ZBTB20: variants seen among roughly 807,000 people sequenced by gnomAD.
The protein encoded by ZBTB20 is zinc finger and BTB domain-containing protein 20.
ZBTB20 carries 9 observed loss-of-function variants against 56.9 expected under a neutral mutation model. The ratio of observed to expected loss-of-function variants is 0.16; its 90% CI spans 0.10 to 0.28. The LOEUF is 0.28. Ranked by LOEUF, ZBTB20 falls within the 10% of genes least tolerant of loss-of-function variation. The pLI, the probability that ZBTB20 is intolerant of heterozygous loss-of-function variation, is 1.00. For missense variants in ZBTB20, 655 were observed against 1,003.0 expected, an observed-to-expected ratio of 0.65 and a Z score of 4.69; for synonymous variants, 417 against 420.7, an observed-to-expected ratio of 0.99 and a Z score of 0.11.
chr3:114,550,771 GACAGGGTCTCACTCTGTC>G (rs1428744178), intron 6 of ZBTB20, among the ~76,000 whole-genome samples: 2 of 152,050 alleles, frequency 1.3e-5, no homozygotes, highest in Non-Finnish European at 2.9e-5. Flanking sequence ...TGTTTTTTGA[GACAGGGTCTCACTCTGTC>G]ACCCACGCTG....
At chr3:114,931,439 CAGA>C (rs1303613763) in intron 3 of ZBTB20, 2 of 197,708 alleles carry the variant, frequency 1.0e-5, no homozygotes, top group African/African-American at 4.8e-5. Flanking sequence ...GCACCCGAGG[CAGA>C]AGAAGGTTGA....
chr3:114,920,983 C>T (rs779907587), intron 3 of ZBTB20, among the ~76,000 whole-genome samples: 3 of 152,044 alleles, frequency 2.0e-5, no homozygotes, highest in South Asian at 2.1e-4. Flanking sequence ...GATTAGATAA[C>T]TTAGTAAAAA....
intron 1 of ZBTB20, among the ~76,000 whole-genome samples, chr3:115,072,569 A>G (rs1423469301): frequency 6.6e-6 from 1 of 152,026 alleles, no homozygotes; most frequent in Non-Finnish European, 1.5e-5. Flanking sequence ...GCATAATCCA[A>G]CTCTTAAGCT....
At chr3:114,881,953 C>A (rs1487569202) in intron 4 of ZBTB20, among the ~76,000 whole-genome samples, 2 of 151,530 alleles carry the variant, frequency 1.3e-5, no homozygotes, top group African/African-American at 4.8e-5. Context: ...GTTTTCTAAG[C>A]CATAAAGGAA....
Position 114,516,209 on chromosome 3 carries a change from C to A in ZBTB20, c.-294-15818G>T, listed in dbSNP as rs879364793. 3.0e-4 allele frequency among the ~76,000 whole-genome samples: 46 copies of A among 152,162 alleles called. No individual in the cohort carries two copies. The Middle Eastern group carries it at 0.014, about 45-fold the overall frequency. On this transcript the variant is annotated intron_variant, in intron 6 of 11. Transcript: ENST00000675478. ...TGTTGGAGGCCTGTAAAATGAAGCC[C>A]AACCCCCAAGCCGCTTTGCTTCATA...
chr3:114,436,469 A>T (rs1041720229), intron 7 of ZBTB20, among the ~76,000 whole-genome samples: 1 of 152,170 alleles, frequency 6.6e-6, no homozygotes, highest in African/African-American at 2.4e-5. Flanking sequence ...CTGATTATTC[A>T]AATTTGCAAA....
At chr3:114,658,484 C>T (rs1396302532) in intron 6 of ZBTB20, 1 of 152,188 alleles carries the variant, frequency 6.6e-6, no homozygotes, top group African/African-American at 2.4e-5. Context: ...CAACCATTCC[C>T]TCTAACTACC....
chr3:114,765,022 G>A (rs2068688315), intron 5 of ZBTB20, among the ~76,000 whole-genome samples: 2 of 152,136 alleles, frequency 1.3e-5, no homozygotes, highest in African/African-American at 4.8e-5. Flanking sequence ...TCGGAAGAAA[G>A]TACAATGATA....
chr3:114,968,512 G>T (rs2077741851), intron 3 of ZBTB20, among the ~76,000 whole-genome samples: 1 of 152,160 alleles, frequency 6.6e-6, no homozygotes, highest in Admixed American at 6.5e-5. Context: ...TAATGACTTG[G>T]AATGCCTTTG....
At chr3:114,716,122 C>T (rs1433958824) in intron 5 of ZBTB20, among the ~76,000 whole-genome samples, 3 of 152,178 alleles carry the variant, frequency 2.0e-5, no homozygotes, top group African/African-American at 4.8e-5. Flanking sequence ...CCATTCCCCC[C>T]TTTTTAAGGT....
intron 1 of ZBTB20, among the ~76,000 whole-genome samples, chr3:115,087,509 T>C (rs1196485584): frequency 6.6e-6 from 1 of 151,916 alleles, no homozygotes; most frequent in Non-Finnish European, 1.5e-5. Flanking sequence ...TTTTAGATGT[T>C]AAAAGACAGT....
At chr3:114,810,387 T>C (rs2072431484) in intron 4 of ZBTB20, among the ~76,000 whole-genome samples, 1 of 152,158 alleles carries the variant, frequency 6.6e-6, no homozygotes, top group African/African-American at 2.4e-5. Flanking sequence ...TGTTTGCCCC[T>C]GAGATTGTCA....
At chr3:114,850,182 G>A (rs1433949014) in intron 4 of ZBTB20, among the ~76,000 whole-genome samples, 1 of 152,112 alleles carries the variant, frequency 6.6e-6, no homozygotes, top group African/African-American at 2.4e-5. Flanking sequence ...TTACAGGTGT[G>A]AGCCACTGCG....
At chr3:114,441,738 A>G (rs2090944461) in intron 7 of ZBTB20, among the ~76,000 whole-genome samples, 1 of 152,172 alleles carries the variant, frequency 6.6e-6, no homozygotes. Context: ...AATATAATTC[A>G]TAATGAACAT....
chr3:114,761,980 G>C (rs2068476763), intron 5 of ZBTB20, among the ~76,000 whole-genome samples: 1 of 152,128 alleles, frequency 6.6e-6, no homozygotes, highest in South Asian at 2.1e-4. Context: ...ACTGTTTCTG[G>C]ACCAAATGAC....
intron 3 of ZBTB20, among the ~76,000 whole-genome samples, chr3:114,966,277 T>C (rs1220192176): frequency 6.6e-6 from 1 of 151,950 alleles, no homozygotes; most frequent in East Asian, 1.9e-4. Context: ...AAAGATAAAC[T>C]TGGGGAAATT....
intron 6 of ZBTB20, among the ~76,000 whole-genome samples, chr3:114,586,930 A>G (rs1291503666): frequency 6.6e-6 from 1 of 151,008 alleles, no homozygotes; most frequent in African/African-American, 2.4e-5. Flanking sequence ...TCTTTCTACA[A>G]TTTTACATTT....
At chr3:114,580,240 T>C (rs1447054739) in intron 6 of ZBTB20, among the ~76,000 whole-genome samples, 1 of 151,616 alleles carries the variant, frequency 6.6e-6, no homozygotes, top group Admixed American at 6.6e-5. Flanking sequence ...AATATTAACA[T>C]AGTAGTGGAA....
At chr3:114,645,577 G>A (rs527990788) in intron 6 of ZBTB20, among the ~76,000 whole-genome samples, 1 of 152,206 alleles carries the variant, frequency 6.6e-6, no homozygotes, top group South Asian at 2.1e-4. Flanking sequence ...ACAATGCATA[G>A]CATTGTTGAG....
Sources: allele counts gnomAD v4.1 joint callset (sites outside exome capture counted in the v4.1 genomes callset), GRCh38; gene constraint gnomAD v4.1.1; transcripts MANE v1.5; gene names NCBI Gene and HGNC (gene_info 2026-07-23, HGNC 2026-07-21).